The following ATP10A variants were observed in gnomAD, a reference collection of about 807,000 sequenced individuals.
ATP10A encodes the protein phospholipid-transporting ATPase VA.
In ATP10A, 111 loss-of-function variants were observed where a neutral mutation model predicts 147.8. The ratio of observed to expected loss-of-function variants is 0.75; its 90% CI spans 0.64 to 0.88. The LOEUF (loss-of-function observed/expected upper bound fraction) is 0.88, where lower values mean the gene tolerates loss of function less well. ATP10A is among the 40% of genes least tolerant of loss of function. The probability of loss-of-function intolerance (pLI) is 0.00; values close to 1 mark genes in which losing one functional copy is unlikely to be tolerated. For synonymous variants in ATP10A, 875 were observed against 841.6 expected (o/e 1.04, Z -0.69); for missense variants, 1,927 against 1,959.0 (o/e 0.98, Z 0.31).
downstream of ATP10A, chr15:25,677,414 G>A (rs1005339381): frequency 1.4e-4 from 22 of 152,196 alleles, no homozygotes; most frequent in African/African-American, 4.8e-4. Flanking sequence ...AGGTCATTCC[G>A]TTTCCCAAGA....
At chr15:25,770,126 G>A (rs955122322) in intron 2 of ATP10A, among the ~76,000 whole-genome samples, 2 of 152,140 alleles carry the variant, frequency 1.3e-5, no homozygotes, top group Admixed American at 1.3e-4. Flanking sequence ...AGCCAACTAC[G>A]AGGTGAGCAT....
intron 1 of ATP10A, among the ~76,000 whole-genome samples, chr15:25,809,756 G>A (rs77465483): frequency 0.046 from 6,995 of 152,152 alleles, 199 homozygotes; most frequent in African/African-American, 0.082. Context: ...CTCGTCTCCA[G>A]CAACATACTG....
Sources: gnomAD v4.1 joint callset for allele counts (sites outside exome capture counted in the v4.1 genomes callset) on GRCh38, gnomAD v4.1.1 for gene constraint, MANE v1.5 for transcripts, NCBI Gene and HGNC (gene_info 2026-07-23, HGNC 2026-07-21) for gene names.